Variants in FAF1 observed in about 807,000 individuals in gnomAD.
The protein encoded by FAF1 is Fas associated factor 1.
FAF1 carries 25 observed loss-of-function variants against 92.5 expected under a neutral mutation model. The observed-to-expected ratio is 0.27, with a 90% confidence interval of 0.20 to 0.38. FAF1 has a LOEUF of 0.38. Ranked by LOEUF, FAF1 falls within the 10% of genes least tolerant of loss-of-function variation. FAF1 has a pLI of 1.00. For missense variants in FAF1, 636 were observed against 793.3 expected, an observed-to-expected ratio of 0.80 and a Z score of 2.38; for synonymous variants, 234 against 273.2, an observed-to-expected ratio of 0.86 and a Z score of 1.42.
intron 7 of FAF1, among the ~76,000 whole-genome samples, chr1:50,698,072 AT>A (rs1231928591): frequency 6.6e-6 from 1 of 152,176 alleles, no homozygotes; most frequent in Non-Finnish European, 1.5e-5. Context: ...CCTTATCTTA[AT>A]ATGCCAAGTC....
chr1:50,777,067 C>T (rs1301067652), intron 4 of FAF1, among the ~76,000 whole-genome samples: 1 of 151,692 alleles, frequency 6.6e-6, no homozygotes, highest in African/African-American at 2.4e-5. Flanking sequence ...CAAGACCAGT[C>T]TGGGCACATA....
At chr1:50,585,274 G>A (rs1410725062) in intron 9 of FAF1, among the ~76,000 whole-genome samples, 1 of 152,004 alleles carries the variant, frequency 6.6e-6, no homozygotes, top group Non-Finnish European at 1.5e-5. Flanking sequence ...TGTGAAATAT[G>A]GTACACTATC....
chr1:50,904,015 C>G (rs1573011), intron 1 of FAF1, among the ~76,000 whole-genome samples: 1 of 152,328 alleles, frequency 6.6e-6, no homozygotes, highest in East Asian at 1.9e-4. Flanking sequence ...ATTCCACTTC[C>G]GGGTATATAT....
chr1:50,904,099 T>C (rs1402117531), intron 1 of FAF1, among the ~76,000 whole-genome samples: 8 of 152,192 alleles, frequency 5.3e-5, no homozygotes, highest in African/African-American at 9.6e-5. Context: ...TTATTCACAA[T>C]AACCGAAAGG....
intron 8 of FAF1, among the ~76,000 whole-genome samples, chr1:50,607,112 A>G (rs1342969855): frequency 6.6e-6 from 1 of 152,244 alleles, no homozygotes; most frequent in Non-Finnish European, 1.5e-5. Context: ...ACATTTAACT[A>G]GCCTGTAAGC....
At chr1:50,937,046 T>C (rs951537043) in intron 1 of FAF1, among the ~76,000 whole-genome samples, 2 of 151,994 alleles carry the variant, frequency 1.3e-5, no homozygotes, top group African/African-American at 4.8e-5. Flanking sequence ...AAGATTCAAG[T>C]TGACAAAGTT....
At chr1:50,784,972 C>A (rs1323850796) in intron 4 of FAF1, among the ~76,000 whole-genome samples, 1 of 151,844 alleles carries the variant, frequency 6.6e-6, no homozygotes, top group Non-Finnish European at 1.5e-5. Flanking sequence ...AACTGGATAT[C>A]CACATGCAAA....
intron 7 of FAF1, among the ~76,000 whole-genome samples, chr1:50,687,617 C>T (rs954628251): frequency 1.3e-4 from 19 of 151,850 alleles, no homozygotes; most frequent in African/African-American, 4.6e-4. Flanking sequence ...AGGCATGGGG[C>T]GCGTGCCTGT....
chr1:50,646,996 CCA>C (rs940129487), intron 8 of FAF1, among the ~76,000 whole-genome samples: 2 of 152,152 alleles, frequency 1.3e-5, no homozygotes, highest in African/African-American at 4.8e-5. Flanking sequence ...CATGTGTGAG[CCA>C]CCACGCCCAG....
At chr1:50,795,776 T>C (rs369350966) in intron 3 of FAF1, among the ~76,000 whole-genome samples, 9 of 152,254 alleles carry the variant, frequency 5.9e-5, no homozygotes, top group South Asian at 4.1e-4. Flanking sequence ...AACACTTCCA[T>C]TGAATTGGAA....
At chr1:50,807,160 C>T (rs1481028517) in intron 2 of FAF1, among the ~76,000 whole-genome samples, 1 of 152,180 alleles carries the variant, frequency 6.6e-6, no homozygotes, top group Admixed American at 6.5e-5. Flanking sequence ...TAAAATAATA[C>T]AGGAGATAAA....
At chr1:50,448,028 G>A (rs1156680605) in intron 18 of FAF1, among the ~76,000 whole-genome samples, 1 of 152,152 alleles carries the variant, frequency 6.6e-6, no homozygotes, top group Non-Finnish European at 1.5e-5. Flanking sequence ...GGAGTAAACT[G>A]GATTGCAGTT....
At chr1:50,480,741 T>A (rs1014287124) in intron 17 of FAF1, among the ~76,000 whole-genome samples, 4 of 152,190 alleles carry the variant, frequency 2.6e-5, no homozygotes, top group Admixed American at 2.6e-4. Flanking sequence ...TGCCTAGTAT[T>A]TAGTGCACTA....
At chr1:50,852,499 C>CTACT (rs1644359018) in intron 2 of FAF1, among the ~76,000 whole-genome samples, 1 of 152,056 alleles carries the variant, frequency 6.6e-6, no homozygotes, top group Admixed American at 6.5e-5. Flanking sequence ...GAGTAAAGCA[C>CTACT]TACTATGTGA....
intron 4 of FAF1, among the ~76,000 whole-genome samples, chr1:50,754,918 C>CA (rs2124516483): frequency 6.6e-6 from 1 of 151,530 alleles, no homozygotes; most frequent in African/African-American, 2.4e-5. Context: ...TGCTCACTAT[C>CA]ATGAGAACAG....
At chr1:50,691,374 CTGAGA>C (rs1236838260) in intron 7 of FAF1, among the ~76,000 whole-genome samples, 10 of 151,870 alleles carry the variant, frequency 6.6e-5, no homozygotes, top group Non-Finnish European at 1.2e-4. Context: ...TCCCCAGTAG[CTGAGA>C]CTGCAGGCAT....
chr1:50,766,593 A>G (rs965236130), intron 4 of FAF1, among the ~76,000 whole-genome samples: 3 of 151,988 alleles, frequency 2.0e-5, no homozygotes, highest in Non-Finnish European at 4.4e-5. Context: ...GAGTGGATGA[A>G]GGGAGGACAA....
At chr1:50,546,605 C>T (rs1220510192) in intron 13 of FAF1, among the ~76,000 whole-genome samples, 1 of 152,072 alleles carries the variant, frequency 6.6e-6, no homozygotes, top group Admixed American at 6.5e-5. Context: ...GCCTTGTGAT[C>T]CTCCTGCCTC....
intron 4 of FAF1, among the ~76,000 whole-genome samples, chr1:50,786,031 G>A (rs529194510): frequency 5.9e-5 from 9 of 152,090 alleles, no homozygotes; most frequent in African/African-American, 2.2e-4. Flanking sequence ...TACTCAGGAG[G>A]CCAAGGCAGG....
Sources: gnomAD v4.1 joint callset for allele counts (sites outside exome capture counted in the v4.1 genomes callset) on GRCh38, gnomAD v4.1.1 for gene constraint, MANE v1.5 for transcripts, NCBI Gene and HGNC (gene_info 2026-07-23, HGNC 2026-07-21) for gene names.